Variants in GDF1 observed in about 807,000 individuals in gnomAD.
GDF1 encodes the protein growth differentiation factor 1, also known as embryonic growth/differentiation factor 1.
GDF1 carries 8 observed loss-of-function variants against 7.4 expected under a neutral mutation model. The ratio of observed to expected loss-of-function variants is 1.09; its 90% CI spans 0.64 to 1.96. GDF1 has a LOEUF of 1.96. Ranked by LOEUF, GDF1 falls within the 30% of genes most tolerant of loss-of-function variation. GDF1 has a pLI of 0.00. For synonymous variants in GDF1, 311 were observed against 276.7 expected (o/e 1.12, Z -1.23); for missense variants, 574 against 551.5 (o/e 1.04, Z -0.41).
chr19:18,885,516 T>TG (rs1555705566), intron 2 of GDF1, among the ~76,000 whole-genome samples: 2 of 27,626 alleles, frequency 7.2e-5, no homozygotes, highest in Non-Finnish European at 7.7e-5. Context: ...TTCTCGTTTT[T>TG]TTTTTTTTTT....
intron 2 of GDF1, among the ~76,000 whole-genome samples, chr19:18,893,156 A>G (rs2056536350): frequency 1.3e-5 from 2 of 151,232 alleles, no homozygotes; most frequent in Admixed American, 1.3e-4. Context: ...CTCGTGATCC[A>G]CTCACCTTGG....
At position 18,878,810 on chromosome 19, in the gene GDF1, T is replaced by TG. The variant is rs2056115821; in HGVS notation, c.-313+119dup. 7 of 1,488,974 alleles carry TG rather than the reference T, an allele frequency of 4.7e-6. No homozygotes were observed. The highest frequency in any genetic ancestry group is 1.4e-5 in the African/African-American group (1 of 72,070). 92.2% of individuals were successfully genotyped at this position (1,488,974 alleles called of 1,614,324 possible). ...TGCAGTCTCTGTTTTGGAGTAGGCT[T>TG]GGGGGGCAGCATCCGCGTCGGCCTC... On this transcript the variant is annotated intron_variant, in intron 6 of 7. Coordinates refer to ENST00000247005, the MANE Select transcript of GDF1 (RefSeq NM_001492.6). This position sits in a 1 kb window ranked among gnomAD's most constrained non-coding sequence, Gnocchi z 4.6.
rs2056594923 is a variant in GDF1 at position 18,895,194 on chromosome 19, G to A, written c.-1074+630C>T. The stretch of plus-strand genomic sequence containing the variant: ...CCCTTGCCATCCCTGGTCGGAGGGT[G>A]GCGCTGACCCCAGATAGGCACAAGG... On this transcript the variant is annotated intron_variant, in intron 1 of 7. Transcript: ENST00000247005. This position sits in a 1 kb window ranked among gnomAD's most constrained non-coding sequence, Gnocchi z 6.4. Among the ~76,000 whole-genome samples, 1 of 152,252 alleles carries A rather than the reference G, an allele frequency of 6.6e-6. No individual in the cohort carries two copies. The highest frequency in any genetic ancestry group is 1.5e-5 in the Non-Finnish European group (1 of 68,038).
At chr19:18,894,458 C>T (rs2056575805) in intron 1 of GDF1, among the ~76,000 whole-genome samples, 2 of 152,264 alleles carry the variant, frequency 1.3e-5, no homozygotes, top group South Asian at 4.1e-4. Flanking sequence ...GCCCCTCCAC[C>T]CATTTCTGAG....
chr19:18,883,195 C>T (rs1270345541), intron 3 of GDF1: 2 of 152,092 alleles, frequency 1.3e-5, no homozygotes, highest in Admixed American at 1.3e-4. Context: ...GGCGTGGCTA[C>T]CCTATTATCG....
Position 18,870,194 on chromosome 19 carries a change from G to C in GDF1, c.114C>G (p.Ala38=). 6.4e-7 allele frequency: 1 copy of C among 1,560,850 alleles called. No homozygotes were observed. The highest frequency in any genetic ancestry group is 1.2e-5 in the South Asian group (1 of 85,092). The change falls in exon 7 of 8, where the codon GCC becomes GCG. Residue 38 remains alanine, a synonymous_variant. Transcript: ENST00000247005. The surrounding 1 kb of genome is among the most constrained non-coding windows in gnomAD (Gnocchi z 5.1). The part of the protein sequence containing the change: ...RAPVPPGPAA[A]LLQALGLRDE... ...CGCGCAGTCCTAGAGCCTGGAGCAGGGCGGCGGCTGGGCCTGGGGGCACGG... is the reference window on the plus strand; with the variant it reads ...CGCGCAGTCCTAGAGCCTGGAGCAGCGCGGCGGCTGGGCCTGGGGGCACGG...
chr19:18,878,461 A>G lies in GDF1; in HGVS notation c.-313+469T>C, dbSNP rs4808869. 0.89 allele frequency: 886,913 copies of G among 991,438 alleles called. 397,097 individuals are homozygous for G. The highest frequency in any genetic ancestry group is 0.97 in the African/African-American group (55,584 of 57,398). 61.4% of individuals were successfully genotyped at this position (991,438 alleles called of 1,614,324 possible). A position where few individuals can be genotyped will look rare whatever the true frequency, so the allele number is the denominator to read the frequency against. On this transcript the variant is annotated intron_variant, in intron 6 of 7. Transcript: ENST00000247005. This position sits in a 1 kb window ranked among gnomAD's most constrained non-coding sequence, Gnocchi z 4.6. ...GGCCGGGCAGTGGGCTCCCCTGTCAAACTCAGAGGCCAGGATGTCTCGGCC... is the reference window on the plus strand; with the variant it reads ...GGCCGGGCAGTGGGCTCCCCTGTCAGACTCAGAGGCCAGGATGTCTCGGCC...
chr19:18,889,628 C>T lies in GDF1; in HGVS notation c.-914+3788G>A, dbSNP rs1236353085. ...TATTTTTTGTAGAGATGGCGTCTCA[C>T]TATATTCCCAAGGTTGGTCTCGAAC... On this transcript the variant is annotated intron_variant, in intron 2 of 7. Coordinates refer to ENST00000247005, the MANE Select transcript of GDF1 (RefSeq NM_001492.6). Among the ~76,000 whole-genome samples the T allele has an allele frequency of 2.0e-5, 3 of 152,150 alleles. No homozygotes were observed. In the East Asian group the frequency reaches 5.8e-4, roughly 29 times the overall value.
chr19:18,877,954 A>G, intron 6 of GDF1: 1 of 984,320 alleles, frequency 1.0e-6, no homozygotes. Context: ...ATCTACACCC[A>G]AGGCGAATCT....
intron 2 of GDF1, among the ~76,000 whole-genome samples, chr19:18,885,684 TA>T (rs2056338059): frequency 6.6e-6 from 1 of 150,444 alleles, no homozygotes; most frequent in South Asian, 2.1e-4. Context: ...CATGCCTGGC[TA>T]ATTTTTTTTT....
At chr19:18,884,709 CT>C (rs36074874) in intron 2 of GDF1, among the ~76,000 whole-genome samples, 39 of 69,130 alleles carry the variant, frequency 5.6e-4, no homozygotes, top group African/African-American at 7.3e-4. Flanking sequence ...GCCCAGCCGT[CT>C]TTTTTTTTTT....
intron 6 of GDF1, among the ~76,000 whole-genome samples, chr19:18,874,707 C>G (rs2056031252): frequency 6.6e-6 from 1 of 152,166 alleles, no homozygotes; most frequent in Non-Finnish European, 1.5e-5. Flanking sequence ...GAGAAGGGTA[C>G]TGGCTACCCA....
chr19:18,880,217 C>T, intron 4 of GDF1, 57 bp downstream of exon 4: 1 of 1,478,954 alleles, frequency 6.8e-7, no homozygotes, highest in Non-Finnish European at 9.0e-7. Context: ...CTTTTCTGGA[C>T]ACACCCACCT....
At chr19:18,869,855 T>C in intron 7 of GDF1, 128 bp downstream of exon 7, 1 of 883,372 alleles carries the variant, frequency 1.1e-6, no homozygotes. Flanking sequence ...GTGGCCGAAG[T>C]TGCTAGTAGC....
intron 2 of GDF1, among the ~76,000 whole-genome samples, chr19:18,884,967 C>T (rs2056314665): frequency 6.6e-6 from 1 of 152,090 alleles, no homozygotes; most frequent in African/African-American, 2.4e-5. Flanking sequence ...CCACCTGCCT[C>T]GGCCTCCCAA....
intron 1 of GDF1, among the ~76,000 whole-genome samples, chr19:18,894,121 G>A (rs2056566086): frequency 6.6e-6 from 1 of 151,724 alleles, no homozygotes; most frequent in African/African-American, 2.4e-5. Flanking sequence ...TGAAAGGGGA[G>A]GAGGGGCTGG....
intron 4 of GDF1, 116 bp downstream of exon 4, chr19:18,880,158 A>G (rs1365773972): frequency 1.1e-6 from 1 of 914,304 alleles, no homozygotes; most frequent in African/African-American, 2.1e-5. Flanking sequence ...CTGTCATGCC[A>G]CACACCCACC....
intron 2 of GDF1, among the ~76,000 whole-genome samples, chr19:18,892,072 A>T (rs2056504644): frequency 6.6e-6 from 1 of 151,382 alleles, no homozygotes; most frequent in Non-Finnish European, 1.5e-5. Context: ...TTATTTTTGT[A>T]TTTTTAGTAC....
rs2056100809 is a variant in GDF1 at position 18,878,245 on chromosome 19, C to T, written c.-313+685G>A. 1 of 985,692 alleles carries T rather than the reference C, an allele frequency of 1.0e-6. No homozygotes were observed. Among genetic ancestry groups the T allele is most frequent in the Admixed American group, 6.2e-5 (1 of 16,256 alleles). The allele number at this position is 985,692 out of a possible 1,614,324, so 61.1% of individuals were successfully genotyped here. A position where few individuals can be genotyped will look rare whatever the true frequency, so the allele number is the denominator to read the frequency against. On this transcript the variant is annotated intron_variant, in intron 6 of 7. Transcript: ENST00000247005. This position sits in a 1 kb window ranked among gnomAD's most constrained non-coding sequence, Gnocchi z 4.6. ...ACGTTGCCTATGAGACACTGCACAC[C>T]CGACTCTGCTTGTTACCCAGTTTGG...
Sources: allele counts gnomAD v4.1 joint callset (sites outside exome capture counted in the v4.1 genomes callset), GRCh38; gene constraint gnomAD v4.1.1; non-coding constraint Gnocchi (gnomAD v3.1); transcripts MANE v1.5; gene names NCBI Gene and HGNC (gene_info 2026-07-23, HGNC 2026-07-21).